The following LRP1B variants were observed in gnomAD, a reference collection of about 807,000 sequenced individuals.
LRP1B encodes the protein low-density lipoprotein receptor-related protein 1B.
LRP1B carries 217 observed loss-of-function variants against 556.6 expected under a neutral mutation model. That is an observed-to-expected ratio of 0.39 (90% confidence interval 0.35 to 0.44). The LOEUF (loss-of-function observed/expected upper bound fraction) is 0.44. Among genes scored for constraint, LRP1B ranks in the 20% least tolerant of loss-of-function variants. The pLI, the probability that LRP1B is intolerant of heterozygous loss-of-function variation, is 1.00. For missense variants in LRP1B, 5,053 were observed against 5,620.8 expected (o/e 0.90, Z 3.23); for synonymous variants, 2,047 against 1,865.8 (o/e 1.10, Z -2.50).
Position 141,517,269 on chromosome 2 carries a change from C to CACACACACACACACAT in LRP1B, c.206-36737_206-36736insATGTGTGTGTGTGTGT, listed in dbSNP as rs1559116790. 4.6e-5 allele frequency among the ~76,000 whole-genome samples: 7 copies of CACACACACACACACAT among 151,332 alleles called. 1 individual carries two copies. The highest frequency in any genetic ancestry group is 4.2e-4 in the South Asian group (2 of 4,746). On this transcript the variant is annotated intron_variant, in intron 2 of 90. Coordinates refer to ENST00000389484, the MANE Select transcript of LRP1B (RefSeq NM_018557.3). Reference sequence around the variant, plus strand: ...TTAGAAGGACAAGAATACGCACACACACAGACACACACACACACACCTTAA... The same window carrying CACACACACACACACAT: ...TTAGAAGGACAAGAATACGCACACACACACACACACACACATACAGACACACACACACACACCTTAA...
chr2:141,125,133 T>C (rs78431754), intron 7 of LRP1B, among the ~76,000 whole-genome samples: 2 of 152,186 alleles, frequency 1.3e-5, no homozygotes, highest in African/African-American at 4.8e-5. Context: ...TAAGGAACCA[T>C]ATATAACATT....
At chr2:140,794,566 G>C (rs1391373369) in intron 32 of LRP1B, among the ~76,000 whole-genome samples, 1 of 150,244 alleles carries the variant, frequency 6.7e-6, no homozygotes, top group African/African-American at 2.5e-5. Flanking sequence ...ATAGAATATG[G>C]TTAAATAACA....
chr2:140,818,810 G>A (rs1020041936), intron 31 of LRP1B, among the ~76,000 whole-genome samples: 9 of 152,072 alleles, frequency 5.9e-5, no homozygotes, highest in South Asian at 2.1e-4. Flanking sequence ...GGTGTCACAC[G>A]CCTGTAGTTG....
chr2:140,671,890 C>T (rs1685498678), intron 41 of LRP1B, among the ~76,000 whole-genome samples: 1 of 152,182 alleles, frequency 6.6e-6, no homozygotes, highest in South Asian at 2.1e-4. Flanking sequence ...AGATTTATGT[C>T]AGCTCAGTGT....
At chr2:140,766,830 T>C (rs1298691192) in intron 35 of LRP1B, among the ~76,000 whole-genome samples, 1 of 22,678 alleles carries the variant, frequency 4.4e-5, no homozygotes, top group African/African-American at 8.6e-5. Flanking sequence ...AAAATATATA[T>C]ATATATATAT....
chr2:140,954,066 G>A (rs1480223341), intron 18 of LRP1B, among the ~76,000 whole-genome samples: 1 of 152,122 alleles, frequency 6.6e-6, no homozygotes, highest in Non-Finnish European at 1.5e-5. Context: ...TCAGAAATGT[G>A]TCTCTAAATA....
In LRP1B at chr2:141,226,456, T is replaced by C. The variant is rs138243057; in HGVS notation, c.850+2727A>G. Among the ~76,000 whole-genome samples the C allele has an allele frequency of 2.6e-3, 395 of 152,292 alleles. 3 individuals carry two copies. Among genetic ancestry groups the C allele is most frequent in the Non-Finnish European group, 4.6e-3 (310 of 68,026 alleles). On this transcript the variant is annotated intron_variant, in intron 6 of 90. Transcript: ENST00000389484. Reference sequence around the variant, plus strand: ...TACTATTATATTATTATGGAAGTGTTAACTGCAAGTCAGTTTGACCTGCAA... The same window carrying C: ...TACTATTATATTATTATGGAAGTGTCAACTGCAAGTCAGTTTGACCTGCAA...
chr2:141,160,693 C>T (rs1574139498), intron 7 of LRP1B, among the ~76,000 whole-genome samples: 2 of 151,870 alleles, frequency 1.3e-5, no homozygotes, highest in Non-Finnish European at 2.9e-5. Flanking sequence ...TTATTAAATA[C>T]TCTTAAAGTA....
intron 15 of LRP1B, among the ~76,000 whole-genome samples, chr2:141,001,017 C>T (rs1026419058): frequency 2.6e-5 from 4 of 151,942 alleles, no homozygotes; most frequent in Non-Finnish European, 1.5e-5. Flanking sequence ...CAATGATCCA[C>T]TAATTATGAT....
At chr2:141,504,086 C>G (rs1683827245) in intron 2 of LRP1B, among the ~76,000 whole-genome samples, 1 of 152,062 alleles carries the variant, frequency 6.6e-6, no homozygotes, top group South Asian at 2.1e-4. Context: ...ACTCACATGT[C>G]CAAAGGAGGG....
intron 35 of LRP1B, among the ~76,000 whole-genome samples, chr2:140,730,947 T>C (rs1396364065): frequency 6.6e-6 from 1 of 152,162 alleles, no homozygotes; most frequent in Non-Finnish European, 1.5e-5. Context: ...TGGTAGTGTC[T>C]CACACGCTTT....
At chr2:140,852,556 C>T (rs1009445196) in intron 27 of LRP1B, among the ~76,000 whole-genome samples, 4 of 152,130 alleles carry the variant, frequency 2.6e-5, no homozygotes, top group African/African-American at 9.7e-5. Flanking sequence ...ACATATATAC[C>T]TTTCCTTCAA....
At chr2:140,986,646 A>G (rs1328340786) in intron 17 of LRP1B, among the ~76,000 whole-genome samples, 1 of 152,110 alleles carries the variant, frequency 6.6e-6, no homozygotes, top group Admixed American at 6.6e-5. Context: ...TGAAGACCAA[A>G]TTCCTTACTC....
chr2:141,285,455 C>CT (rs1170251213), intron 3 of LRP1B, among the ~76,000 whole-genome samples: 3,759 of 110,594 alleles, frequency 0.034, 123 homozygotes, highest in African/African-American at 0.076. Flanking sequence ...ATTTTTTTTT[C>CT]TTTTTTTTTT....
intron 49 of LRP1B, among the ~76,000 whole-genome samples, chr2:140,524,038 G>C (rs1690310565): frequency 6.6e-6 from 1 of 151,476 alleles, no homozygotes; most frequent in Non-Finnish European, 1.5e-5. Context: ...GAGTAAACAG[G>C]TACCCTGGGA....
intron 81 of LRP1B, among the ~76,000 whole-genome samples, chr2:140,323,300 CCTTT>C (rs1680257711): frequency 3.3e-5 from 5 of 151,924 alleles, no homozygotes; most frequent in African/African-American, 1.2e-4. Flanking sequence ...CTTACCCACT[CCTTT>C]CTAGGAGGGA....
chr2:141,178,569 T>C (rs1471093953), intron 7 of LRP1B, among the ~76,000 whole-genome samples: 1 of 152,058 alleles, frequency 6.6e-6, no homozygotes, highest in Non-Finnish European at 1.5e-5. Flanking sequence ...GCATATCCTA[T>C]GTATGAGGGA....
At chr2:141,916,051 T>C (rs887946090) in intron 1 of LRP1B, among the ~76,000 whole-genome samples, 7 of 152,144 alleles carry the variant, frequency 4.6e-5, no homozygotes, top group Non-Finnish European at 8.8e-5. Context: ...GAAATACCAT[T>C]TGATCCAGCA....
chr2:140,388,180 G>A (rs912500328), intron 66 of LRP1B, among the ~76,000 whole-genome samples: 3 of 151,940 alleles, frequency 2.0e-5, no homozygotes, highest in African/African-American at 7.3e-5. Flanking sequence ...CAGGTGATCC[G>A]CCAGTCTCAG....
Sources: gnomAD v4.1 joint callset for allele counts (sites outside exome capture counted in the v4.1 genomes callset) on GRCh38, gnomAD v4.1.1 for gene constraint, MANE v1.5 for transcripts, NCBI Gene and HGNC (gene_info 2026-07-23, HGNC 2026-07-21) for gene names.